The following TYW1 variants were observed in gnomAD, a reference collection of about 807,000 sequenced individuals.
TYW1 encodes the protein S-adenosyl-L-methionine-dependent tRNA 4-demethylwyosine synthase TYW1.
A neutral mutation model predicts 96.2 loss-of-function variants in TYW1; 46 were observed. The ratio of observed to expected loss-of-function variants is 0.48; its 90% CI spans 0.38 to 0.61. The LOEUF (loss-of-function observed/expected upper bound fraction) is 0.61, where lower values mean the gene tolerates loss of function less well. TYW1 is among the 20% of genes least tolerant of loss of function. The pLI is 0.00. For synonymous variants in TYW1, 274 were observed against 323.0 expected, an observed-to-expected ratio of 0.85 and a Z score of 1.63; for missense variants, 684 against 909.6, an observed-to-expected ratio of 0.75 and a Z score of 3.19.
intron 7 of TYW1, among the ~76,000 whole-genome samples, chr7:67,027,352 A>G (rs554135771): frequency 1.3e-5 from 2 of 151,992 alleles, no homozygotes; most frequent in African/African-American, 4.8e-5. Context: ...AAGCTTTTCT[A>G]TATGATTCAA....
intron 13 of TYW1, among the ~76,000 whole-genome samples, chr7:67,133,872 T>C (rs1363792544): frequency 6.6e-6 from 1 of 151,640 alleles, no homozygotes; most frequent in Non-Finnish European, 1.5e-5. Context: ...GGCTTCTCTA[T>C]GTTGATATGG....
chr7:67,128,992 G>A (rs1164026042), intron 13 of TYW1, among the ~76,000 whole-genome samples: 1 of 152,068 alleles, frequency 6.6e-6, no homozygotes, highest in Non-Finnish European at 1.5e-5. Flanking sequence ...CCCAGTCTAG[G>A]TCTCAGTCTT....
intron 11 of TYW1, among the ~76,000 whole-genome samples, chr7:67,093,190 A>T (rs1470830165): frequency 1.3e-5 from 2 of 152,152 alleles, no homozygotes; most frequent in African/African-American, 2.4e-5. Flanking sequence ...TAATAATTGA[A>T]TTTATTTTTC....
chr7:67,072,397 C>T (rs945030743), intron 10 of TYW1, among the ~76,000 whole-genome samples: 13 of 152,120 alleles, frequency 8.5e-5, no homozygotes, highest in African/African-American at 2.6e-4. Context: ...CAGGTGCGTG[C>T]CACCATGCCC....
chr7:67,123,499 T>G (rs1797821865), intron 13 of TYW1, among the ~76,000 whole-genome samples: 2 of 152,244 alleles, frequency 1.3e-5, no homozygotes, highest in African/African-American at 2.4e-5. Context: ...GTAAGTGTAT[T>G]GCATCTTAGG....
In TYW1 at chr7:67,009,592, A is replaced by G; in HGVS notation, c.283A>G (p.Thr95Ala). ...TTTTTGGTCCTATTAGGGATTCGCA[A>G]CAGTTCTTGCTGAAGCAGTTACATC... ...SQTGTAKGFA[T>A]VLAEAVTSLD... is the part of the protein sequence containing the mutation. The change falls in exon 4 of 16, where the codon ACA becomes GCA. Residue 95 changes from threonine (T) to alanine (A), a missense_variant. Coordinates refer to ENST00000359626, the MANE Select transcript of TYW1 (RefSeq NM_018264.4). The G allele has an allele frequency of 2.5e-6, 4 of 1,611,962 alleles. No homozygotes were observed. The South Asian group carries it at 3.3e-5, about 13-fold the overall frequency.
intron 13 of TYW1, among the ~76,000 whole-genome samples, chr7:67,146,040 A>G (rs920617637): frequency 5.3e-5 from 8 of 152,176 alleles, no homozygotes; most frequent in Admixed American, 5.2e-4. Flanking sequence ...TACTGGGATT[A>G]TAGGTGTGAG....
intron 4 of TYW1, among the ~76,000 whole-genome samples, chr7:67,013,509 G>A (rs1183740408): frequency 6.6e-6 from 1 of 151,968 alleles, no homozygotes; most frequent in Non-Finnish European, 1.5e-5. Context: ...CTATTCCTTG[G>A]AGACTTCAGA....
rs1174636677 is a variant in TYW1 at position 67,234,034 on chromosome 7, G to T, written c.1978-4274G>T. ...TATAAGGGTAAGCCCTGATCTAATA[G>T]GATCAGTGTCTTTATAAGAAGAGAC... On this transcript the variant is annotated intron_variant, in intron 15 of 15. Transcript: ENST00000359626. Among the ~76,000 whole-genome samples the T allele has an allele frequency of 1.5e-5, 2 of 135,218 alleles. 1 individual carries two copies. Among genetic ancestry groups the T allele is most frequent in the Non-Finnish European group, 3.2e-5 (2 of 62,914 alleles). 88.7% of individuals were successfully genotyped at this position (135,218 alleles called of 152,430 possible). A position where few individuals can be genotyped will look rare whatever the true frequency, so the allele number is the denominator to read the frequency against.
At chr7:67,181,226 A>C (rs2116297541) in intron 13 of TYW1, among the ~76,000 whole-genome samples, 1 of 152,282 alleles carries the variant, frequency 6.6e-6, no homozygotes, top group South Asian at 2.1e-4. Flanking sequence ...GCATTCCCGG[A>C]ATTTTTAACA....
intron 7 of TYW1, among the ~76,000 whole-genome samples, chr7:67,047,360 A>G (rs1185031798): frequency 6.6e-6 from 1 of 152,242 alleles, no homozygotes; most frequent in Non-Finnish European, 1.5e-5. Flanking sequence ...GCGAGACTTC[A>G]TCTCAGAAAA....
chr7:67,141,785 C>T (rs1011810204), intron 13 of TYW1, among the ~76,000 whole-genome samples: 14 of 152,302 alleles, frequency 9.2e-5, no homozygotes, highest in South Asian at 4.1e-4. Context: ...CCTGTAATCC[C>T]GGCACTTTGG....
chr7:67,131,532 C>T lies in TYW1; in HGVS notation c.1698+13914C>T, dbSNP rs1376370144. Among the ~76,000 whole-genome samples the T allele has an allele frequency of 2.6e-5, 4 of 152,016 alleles. No individual in the cohort carries two copies. In the South Asian group the frequency reaches 6.2e-4, roughly 24 times the overall value. ...TCAGTATCCTGTAATTGGTGTTTAT[C>T]GTTCCATATTGTCTTCAGTATTTCA... On this transcript the variant is annotated intron_variant, in intron 13 of 15. Coordinates refer to ENST00000359626, the MANE Select transcript of TYW1 (RefSeq NM_018264.4).
At chr7:67,039,760 TC>T (rs1014452137) in intron 7 of TYW1, among the ~76,000 whole-genome samples, 1 of 151,382 alleles carries the variant, frequency 6.6e-6, no homozygotes, top group Non-Finnish European at 1.5e-5. Context: ...ACTCCCTCTT[TC>T]AAGTGATTGT....
intron 13 of TYW1, among the ~76,000 whole-genome samples, chr7:67,119,961 A>AT (rs61417897): frequency 7.2e-4 from 107 of 149,258 alleles, no homozygotes; most frequent in Admixed American, 2.5e-3. Flanking sequence ...TAATTTTTTG[A>AT]TTTTTTTTTT....
chr7:67,085,231 C>G (rs1796510840), intron 11 of TYW1, among the ~76,000 whole-genome samples: 1 of 152,140 alleles, frequency 6.6e-6, no homozygotes, highest in Non-Finnish European at 1.5e-5. Flanking sequence ...AGGCTTTGTT[C>G]CCCTCACCCA....
chr7:67,228,691 ACT>A (rs1240935225), intron 15 of TYW1, among the ~76,000 whole-genome samples: 1 of 152,132 alleles, frequency 6.6e-6, no homozygotes, highest in East Asian at 1.9e-4. Flanking sequence ...TCTTATTTCA[ACT>A]CTTGAATGTG....
intron 7 of TYW1, among the ~76,000 whole-genome samples, chr7:67,025,515 G>A (rs886307346): frequency 6.6e-6 from 1 of 152,092 alleles, no homozygotes; most frequent in African/African-American, 2.4e-5. Context: ...CAGCATGATA[G>A]GATTTATTAT....
At position 67,117,539 on chromosome 7, in the gene TYW1, G is replaced by A. The variant is rs1469436742; in HGVS notation, c.1619G>A (p.Ser540Asn). 5 of 1,614,038 alleles carry A rather than the reference G, an allele frequency of 3.1e-6. No homozygotes were observed. In the African/African-American group the frequency reaches 5.3e-5, roughly 17 times the overall value. ...AGTGTGGATGCCAGTACCAAAGACA[G>A]CCTGAAGAAAATCGACCGCCCACTC... ...YVSVDASTKDSLKKIDRPLFK... is the reference protein window; with the variant it reads ...YVSVDASTKDNLKKIDRPLFK... The change falls in exon 13 of 16, where the codon AGC (serine) becomes AAC (asparagine). Residue 540 changes from serine (S) to asparagine (N), a missense_variant. By Grantham distance (46) the Ser-to-Asn change is conservative (BLOSUM62 1). Coordinates refer to ENST00000359626, the MANE Select transcript of TYW1 (RefSeq NM_018264.4).
Sources: gnomAD v4.1 joint callset for allele counts (sites outside exome capture counted in the v4.1 genomes callset) on GRCh38, gnomAD v4.1.1 for gene constraint, MANE v1.5 for transcripts, NCBI Gene and HGNC (gene_info 2026-07-23, HGNC 2026-07-21) for gene names.